Variants in CYP4V2 observed in about 807,000 individuals in gnomAD.
CYP4V2 encodes the protein cytochrome P450 family 4 subfamily V member 2.
In CYP4V2, 55 loss-of-function variants were observed where a neutral mutation model predicts 60.8. The ratio of observed to expected loss-of-function variants is 0.90; its 90% CI spans 0.73 to 1.13. The LOEUF is 1.13. CYP4V2 is among the 50% of genes most tolerant of loss of function. The pLI is 0.00. For missense variants in CYP4V2, 675 were observed against 662.9 expected, an observed-to-expected ratio of 1.02 and a Z score of -0.20; for synonymous variants, 239 against 236.8, an observed-to-expected ratio of 1.01 and a Z score of -0.08.
intron 7 of CYP4V2, 186 bp downstream of exon 7, chr4:186,201,528 G>A (rs1408246242): frequency 3.1e-6 from 2 of 648,216 alleles, no homozygotes; most frequent in African/African-American, 1.8e-5. Context: ...TTCAGAAAAC[G>A]ATTTTGACTA....
In CYP4V2 at chr4:186,209,300, C is replaced by A. The variant is rs746320954; in HGVS notation, c.1405+28C>A. The stretch of plus-strand genomic sequence containing the variant: ...TTGTATCCATCTGAATTGGTTTGAC[C>A]TTTCAGGCCCACTTGATGGTGGGTT... On this transcript the variant is annotated intron_variant, in intron 10 of 10. Transcript: ENST00000378802. The A allele has an allele frequency of 5.6e-6, 9 of 1,613,584 alleles. No homozygotes were observed. In the South Asian group the frequency reaches 9.9e-5, roughly 18 times the overall value.
chr4:186,198,622 A>G (rs1736222589), intron 5 of CYP4V2, among the ~76,000 whole-genome samples: 1 of 152,176 alleles, frequency 6.6e-6, no homozygotes, highest in Non-Finnish European at 1.5e-5. Context: ...CCTTAAAAAG[A>G]GGCCGATTTC....
At chr4:186,204,287 G>T (rs1299237937) in intron 7 of CYP4V2, 1 of 152,636 alleles carries the variant, frequency 6.6e-6, no homozygotes, top group African/African-American at 2.5e-5. Flanking sequence ...CGGTGGAGAC[G>T]CTACGCTGGC....
chr4:186,209,413 A>G, intron 10 of CYP4V2, 141 bp downstream of exon 10: 1 of 1,069,686 alleles, frequency 9.3e-7, no homozygotes, highest in Non-Finnish European at 1.4e-6. Context: ...TTTTTCCCTC[A>G]CTGTGCTTTG....
chr4:186,196,889 TC>T (rs1328050475), intron 3 of CYP4V2, 50 bp from the exon 4 acceptor site: 4 of 1,392,198 alleles, frequency 2.9e-6, no homozygotes, highest in African/African-American at 5.9e-5. Context: ...TTTCTCTTTC[TC>T]TCTCTCTCTC....
In CYP4V2 at chr4:186,208,885, A is replaced by G. The variant is rs754535434; in HGVS notation, c.1111A>G (p.Thr371Ala). The G allele has an allele frequency of 9.3e-6, 15 of 1,614,202 alleles. No individual in the cohort carries two copies. The highest frequency in any genetic ancestry group is 1.0e-5 in the Non-Finnish European group (12 of 1,180,028). ...DVFGKSDRPA[T>A]VEDLKKLRYL... The stretch of plus-strand genomic sequence containing the variant: ...ATCAGGGAAGTCTGACCGTCCCGCT[A>G]CAGTAGAAGACCTGAAGAAACTTCG... The change falls in exon 9 of 11, where the codon ACA becomes GCA. Residue 371 changes from threonine to alanine, a missense_variant. Physicochemically the swap from Thr to Ala is moderately conservative, Grantham distance 58. Coordinates refer to ENST00000378802, the MANE Select transcript of CYP4V2 (RefSeq NM_207352.4).
chr4:186,197,619 C>T lies in CYP4V2; in HGVS notation c.674+17C>T. 1.2e-6 allele frequency: 2 copies of T among 1,611,828 alleles called. No homozygotes were observed. Among genetic ancestry groups the T allele is most frequent in the Non-Finnish European group, 1.7e-6 (2 of 1,177,952 alleles). ...AGTTTATAGGTAAATGGAGTCCTTT[C>T]AGTTATTTTAACAATTATTATTGAT... On this transcript the variant is annotated intron_variant, in intron 5 of 10. Coordinates refer to ENST00000378802, the MANE Select transcript of CYP4V2 (RefSeq NM_207352.4).
chr4:186,211,839 T>G lies in CYP4V2; in HGVS notation c.*1198T>G, dbSNP rs945288618. ...TTTTATAACCTGGAGCAGATTATTT[T>G]AAGTTGATTAGTAGGTTCTGTTACA... On this transcript the variant is annotated 3_prime_UTR_variant, in exon 11 of 11. Coordinates refer to ENST00000378802, the MANE Select transcript of CYP4V2 (RefSeq NM_207352.4). 1 of 152,212 alleles carries G rather than the reference T, an allele frequency of 6.6e-6. No individual in the cohort carries two copies. 9.4% of individuals were successfully genotyped at this position (152,212 alleles called of 1,614,324 possible). A position where few individuals can be genotyped will look rare whatever the true frequency, so the allele number is the denominator to read the frequency against.
chr4:186,196,210 G>C, intron 3 of CYP4V2, 122 bp downstream of exon 3: 2 of 924,566 alleles, frequency 2.2e-6, no homozygotes, highest in East Asian at 2.6e-5. Flanking sequence ...TCAGAAAGGA[G>C]GAGAAAGGCT....
At chr4:186,194,470 T>A in intron 1 of CYP4V2, 30 bp from the exon 2 acceptor site, 1 of 1,576,236 alleles carries the variant, frequency 6.3e-7, no homozygotes, top group South Asian at 1.1e-5. Context: ...CTCATCTTGA[T>A]TGAATTTCAA....
chr4:186,198,184 T>A (rs952474993), intron 5 of CYP4V2, among the ~76,000 whole-genome samples: 1 of 152,204 alleles, frequency 6.6e-6, no homozygotes, highest in Non-Finnish European at 1.5e-5. Flanking sequence ...TATATTTAAG[T>A]CTCCTGCTCA....
At chr4:186,197,232 G>C (rs1171100705) in intron 4 of CYP4V2, 102 bp downstream of exon 4, 2 of 1,396,414 alleles carry the variant, frequency 1.4e-6, no homozygotes, top group African/African-American at 2.8e-5. Context: ...GACGGGAAAG[G>C]GTGACGGGCT....
At chr4:186,209,857 ATGT>A (rs1736651285) in intron 10 of CYP4V2, among the ~76,000 whole-genome samples, 2 of 152,350 alleles carry the variant, frequency 1.3e-5, no homozygotes, top group South Asian at 2.1e-4. Flanking sequence ...GAGTTTCAAA[ATGT>A]TGTAGAGTTT....
Position 186,211,143 on chromosome 4 carries a change from T to G in CYP4V2, c.*502T>G. The G allele has an allele frequency of 6.4e-6, 1 of 155,050 alleles. No homozygotes were observed. The highest frequency in any genetic ancestry group is 1.9e-4 in the East Asian group (1 of 5,150). The allele number at this position is 155,050 out of a possible 1,614,324, so 9.6% of individuals were successfully genotyped here. ...CGTGAGCCACCACGCCTGGCCAGAG[T>G]TTTTTATTTTTATCACCACCATAGA... On this transcript the variant is annotated 3_prime_UTR_variant, in exon 11 of 11. Coordinates refer to ENST00000378802, the MANE Select transcript of CYP4V2 (RefSeq NM_207352.4).
At chr4:186,197,279 G>A in intron 4 of CYP4V2, 149 bp downstream of exon 4, 1 of 1,029,598 alleles carries the variant, frequency 9.7e-7, no homozygotes, top group Non-Finnish European at 1.5e-6. Context: ...GGCCTTCTGA[G>A]GAGCAGCAGC....
intron 5 of CYP4V2, among the ~76,000 whole-genome samples, chr4:186,198,705 A>G (rs1037960412): frequency 1.3e-5 from 2 of 152,186 alleles, no homozygotes; most frequent in African/African-American, 4.8e-5. Flanking sequence ...CAGAGACCAA[A>G]TGGCTATCTA....
In CYP4V2 at chr4:186,209,135, C is replaced by T. The variant is rs1736628285; in HGVS notation, c.1268C>T (p.Pro423Leu). 6.2e-7 allele frequency: 1 copy of T among 1,614,108 alleles called. No homozygotes were observed. The highest frequency in any genetic ancestry group is 8.5e-7 in the Non-Finnish European group (1 of 1,180,016). The part of the protein sequence containing the change: ...VLKGTEAVII[P>L]YALHRDPRYF... ...AAAGGCACTGAAGCCGTCATCATTCCCTATGCATTGCACAGAGATCCGAGA... is the reference window on the plus strand; with the variant it reads ...AAAGGCACTGAAGCCGTCATCATTCTCTATGCATTGCACAGAGATCCGAGA... Residue 423 changes from proline to leucine, a missense_variant, in exon 10 of 11, where the codon CCC (proline) becomes CTC (leucine). Coordinates refer to ENST00000378802, the MANE Select transcript of CYP4V2 (RefSeq NM_207352.4).
chr4:186,199,190 T>C (rs1445553920), intron 6 of CYP4V2, 107 bp downstream of exon 6: 7 of 1,196,824 alleles, frequency 5.8e-6, no homozygotes, highest in East Asian at 2.5e-5. Context: ...ATTCACGATG[T>C]TGTGCAACCA....
intron 7 of CYP4V2, chr4:186,204,937 C>T (rs2126594980): frequency 2.0e-6 from 1 of 510,134 alleles, no homozygotes; most frequent in South Asian, 2.0e-5. Context: ...TGGAACGCCG[C>T]CTTTATTAAC....
Sources: gnomAD v4.1 joint callset for allele counts (sites outside exome capture counted in the v4.1 genomes callset) on GRCh38, gnomAD v4.1.1 for gene constraint, MANE v1.5 for transcripts, NCBI Gene and HGNC (gene_info 2026-07-23, HGNC 2026-07-21) for gene names.